Variants in CXADR observed in about 807,000 individuals in gnomAD.
CXADR encodes the protein CXADR cell adhesion molecule.
Under a neutral mutation model 40.3 loss-of-function variants are expected in CXADR, and 20 were observed. That is an observed-to-expected ratio of 0.50 (90% CI 0.35 to 0.72). CXADR has a LOEUF of 0.72. Ranked by LOEUF, CXADR falls within the 30% of genes least tolerant of loss-of-function variation. CXADR has a pLI of 0.01. For synonymous variants in CXADR, 150 were observed against 161.3 expected (o/e 0.93, Z 0.53); for missense variants, 332 against 449.1 (o/e 0.74, Z 2.36).
chr21:17,513,064 G>T lies in CXADR; in HGVS notation c.-66G>T. The T allele has an allele frequency of 2.3e-6, 3 of 1,307,004 alleles. No individual in the cohort carries two copies. The highest frequency in any genetic ancestry group is 4.6e-5 in the South Asian group (2 of 43,448). The allele number at this position is 1,307,004 out of a possible 1,614,324, so 81.0% of individuals were successfully genotyped here. A position where few individuals can be genotyped will look rare whatever the true frequency, so the allele number is the denominator to read the frequency against. On this transcript the variant is annotated 5_prime_UTR_variant, in exon 1 of 7. Coordinates refer to ENST00000284878, the MANE Select transcript of CXADR (RefSeq NM_001338.5). ...AGCCAGTCGGGAGCGCGCGAGGCGC[G>T]GGGAGCCTGGGACCAGGAGCGAGAG... is the stretch of plus-strand genomic sequence containing the variant.
chr21:17,628,252 A>G, the CXADR span, among the ~76,000 whole-genome samples: 1 of 152,220 alleles, frequency 6.6e-6, no homozygotes, highest in African/African-American at 2.4e-5. Flanking sequence ...GTGTATAAAT[A>G]TATATAAAGA....
In CXADR at chr21:17,570,062, T is replaced by G. The variant is rs1601041019; in HGVS notation, c.*4370T>G. 1.0e-6 allele frequency: 1 copy of G among 985,466 alleles called. No homozygotes were observed. The highest frequency in any genetic ancestry group is 1.1e-4 in the East Asian group (1 of 8,820). 61.0% of individuals were successfully genotyped at this position (985,466 alleles called of 1,614,324 possible). On this transcript the variant is annotated 3_prime_UTR_variant, in exon 7 of 7. Coordinates refer to ENST00000284878, the MANE Select transcript of CXADR (RefSeq NM_001338.5). Reference sequence around the variant, plus strand: ...AGAAAAACAACTTGCTCTAGTTTTGTGACCTTGTGTACTTTTGAAATAAAA... The same window carrying G: ...AGAAAAACAACTTGCTCTAGTTTTGGGACCTTGTGTACTTTTGAAATAAAA...
intron 7 of CXADR, among the ~76,000 whole-genome samples, chr21:17,592,226 T>A (rs866000814): frequency 1.6e-4 from 25 of 151,944 alleles, no homozygotes; most frequent in African/African-American, 5.6e-4. Flanking sequence ...AACAAACCTA[T>A]ATAGTCATCC....
chr21:17,543,208 A>G (rs2060852343), intron 1 of CXADR, among the ~76,000 whole-genome samples: 1 of 152,212 alleles, frequency 6.6e-6, no homozygotes, highest in Non-Finnish European at 1.5e-5. Context: ...AATTCTCAAA[A>G]GTAGTTGCTG....
At chr21:17,528,072 T>C (rs200491302) in intron 1 of CXADR, among the ~76,000 whole-genome samples, 49 of 130,560 alleles carry the variant, frequency 3.8e-4, no homozygotes, top group East Asian at 1.1e-3. Flanking sequence ...TTCTTTCTTT[T>C]TTTTTTTTTT....
intron 7 of CXADR, among the ~76,000 whole-genome samples, chr21:17,585,740 G>A (rs1013163218): frequency 2.0e-5 from 3 of 152,052 alleles, no homozygotes; most frequent in African/African-American, 4.8e-5. Context: ...GGATAGTCTC[G>A]ATCTTTTGAG....
At chr21:17,554,325 T>C (rs1014169426) in intron 3 of CXADR, among the ~76,000 whole-genome samples, 18 of 152,308 alleles carry the variant, frequency 1.2e-4, no homozygotes, top group Middle Eastern at 3.4e-3. Flanking sequence ...AGTTCACTCA[T>C]GGCAGGAGCC....
intron 3 of CXADR, among the ~76,000 whole-genome samples, chr21:17,556,486 G>T (rs1176229718): frequency 3.9e-5 from 6 of 152,174 alleles, no homozygotes; most frequent in Non-Finnish European, 7.3e-5. Flanking sequence ...ATATAGAAAG[G>T]ATGAGCGTTA....
At chr21:17,613,010 G>T in the CXADR span, 1 of 151,990 alleles carries the variant, frequency 6.6e-6, no homozygotes, top group South Asian at 2.1e-4. Flanking sequence ...CGCCTGAGGG[G>T]CGGTGCCGGG....
chr21:17,596,349 G>A (rs975528782), downstream of CXADR, among the ~76,000 whole-genome samples: 2 of 151,948 alleles, frequency 1.3e-5, no homozygotes, highest in African/African-American at 2.4e-5. Context: ...CCCTCTAGAG[G>A]AAATATTTGC....
chr21:17,513,200 A>T, intron 1 of CXADR, 28 bp downstream of exon 1: 1 of 1,349,278 alleles, frequency 7.4e-7, no homozygotes, highest in Non-Finnish European at 9.5e-7. Flanking sequence ...GGTCCTCAGC[A>T]CCCGCCCAGC....
the CXADR span, among the ~76,000 whole-genome samples, chr21:17,616,700 T>C: frequency 6.6e-6 from 1 of 152,170 alleles, no homozygotes; most frequent in African/African-American, 2.4e-5. Context: ...TGTTACATTA[T>C]GCTATGTAAC....
chr21:17,598,664 C>G, the CXADR span: 1 of 1,614,118 alleles, frequency 6.2e-7, no homozygotes, highest in Non-Finnish European at 8.5e-7. Context: ...GGTTTCACTT[C>G]CATTTCCTTA....
At chr21:17,536,694 A>G (rs1316905701) in intron 1 of CXADR, among the ~76,000 whole-genome samples, 1 of 152,226 alleles carries the variant, frequency 6.6e-6, no homozygotes, top group African/African-American at 2.4e-5. Context: ...AGGAGGAAGC[A>G]ATTAACACTG....
At chr21:17,518,681 C>G in intron 1 of CXADR, 3 of 1,609,606 alleles carry the variant, frequency 1.9e-6, no homozygotes, top group Non-Finnish European at 2.5e-6. Flanking sequence ...CTGTCAGCAC[C>G]AAGCTGACTT....
the CXADR span, among the ~76,000 whole-genome samples, chr21:17,614,607 G>A: frequency 1.3e-5 from 2 of 152,088 alleles, no homozygotes; most frequent in African/African-American, 2.4e-5. Context: ...GCCAGGTGTG[G>A]TTGCATGCAG....
At chr21:17,608,281 T>C in the CXADR span, among the ~76,000 whole-genome samples, 3 of 152,002 alleles carry the variant, frequency 2.0e-5, no homozygotes, top group Non-Finnish European at 2.9e-5. Flanking sequence ...TCTGAGGCAG[T>C]AGGATTGCTT....
At chr21:17,595,591 C>A (rs560967726), downstream of CXADR, among the ~76,000 whole-genome samples, 32 of 151,690 alleles carry the variant, frequency 2.1e-4, no homozygotes, top group Non-Finnish European at 4.4e-4. Context: ...CATAAAGATC[C>A]TTCTCATTTT....
At chr21:17,563,940 C>CCAAAAAAAAAAAAA (rs2061161835) in intron 6 of CXADR, among the ~76,000 whole-genome samples, 1 of 37,222 alleles carries the variant, frequency 2.7e-5, no homozygotes, top group Non-Finnish European at 5.7e-5. Context: ...GACTCTGTCT[C>CCAAAAAAAAAAAAA]AAAAAAAAAA....
Sources: gnomAD v4.1 joint callset for allele counts (sites outside exome capture counted in the v4.1 genomes callset) on GRCh38, gnomAD v4.1.1 for gene constraint, MANE v1.5 for transcripts, NCBI Gene and HGNC (gene_info 2026-07-23, HGNC 2026-07-21) for gene names.